The following BICC1 variants were observed in gnomAD, a reference collection of about 807,000 sequenced individuals.
The protein encoded by BICC1 is BicC family RNA binding protein 1.
Under a neutral mutation model 111.0 loss-of-function variants are expected in BICC1, and 43 were observed. The ratio of observed to expected loss-of-function variants is 0.39; its 90% CI spans 0.30 to 0.50. The LOEUF (loss-of-function observed/expected upper bound fraction) is 0.50, where lower values mean the gene tolerates loss of function less well. BICC1 is among the 20% of genes least tolerant of loss of function. BICC1 has a pLI of 0.88. For synonymous variants in BICC1, 467 were observed against 434.4 expected (o/e 1.07, Z -0.93); for missense variants, 1,091 against 1,203.2 (o/e 0.91, Z 1.38).
intron 1 of BICC1, among the ~76,000 whole-genome samples, chr10:58,530,258 A>G (rs1842645079): frequency 6.6e-6 from 1 of 151,880 alleles, no homozygotes; most frequent in African/African-American, 2.4e-5. Flanking sequence ...AGAATCAAAT[A>G]GAAAAAGGCA....
chr10:58,655,906 G>T (rs1838628357), intron 2 of BICC1, among the ~76,000 whole-genome samples: 1 of 152,058 alleles, frequency 6.6e-6, no homozygotes, highest in Non-Finnish European at 1.5e-5. Flanking sequence ...GTTGTTGAAA[G>T]GAGCTGGTTT....
At chr10:58,599,004 C>T (rs1393214507) in intron 1 of BICC1, among the ~76,000 whole-genome samples, 1 of 152,140 alleles carries the variant, frequency 6.6e-6, no homozygotes, top group African/African-American at 2.4e-5. Flanking sequence ...CAGGCAACAA[C>T]AGATGCTGGA....
chr10:58,613,952 CATTTT>C (rs1845519394), intron 1 of BICC1, among the ~76,000 whole-genome samples: 1 of 152,072 alleles, frequency 6.6e-6, no homozygotes, highest in South Asian at 2.1e-4. Context: ...GTAAAATGAG[CATTTT>C]ATTTTATTTA....
At chr10:58,632,958 A>C (rs1480354709) in intron 2 of BICC1, among the ~76,000 whole-genome samples, 1 of 152,158 alleles carries the variant, frequency 6.6e-6, no homozygotes. Flanking sequence ...AGGATTTGAA[A>C]TCTAAAAGTT....
At chr10:58,715,423 T>G in intron 3 of BICC1, 1 of 621,502 alleles carries the variant, frequency 1.6e-6, no homozygotes, top group South Asian at 1.8e-5. Flanking sequence ...ATTTCTACCA[T>G]TGGATTTTTC....
At chr10:58,756,455 C>T (rs1842146512) in intron 3 of BICC1, among the ~76,000 whole-genome samples, 2 of 152,116 alleles carry the variant, frequency 1.3e-5, no homozygotes, top group Admixed American at 1.3e-4. Flanking sequence ...TAAGCTTGCT[C>T]TTATATTTAG....
chr10:58,803,142 A>G lies in BICC1; in HGVS notation c.2081A>G (p.Lys694Arg). 6.2e-7 allele frequency: 1 copy of G among 1,610,616 alleles called. No homozygotes were observed. The highest frequency in any genetic ancestry group is 8.5e-7 in the Non-Finnish European group (1 of 1,178,316). ...ACCGAAAGCCCTTTGGCTGACAAGA[A>G]GGCTCCAGGGAGTGAGCGCGCTGCA... ...SATESPLADK[K>R]APGSERAAER... The change falls in exon 15 of 21, where the codon AAG becomes AGG. Residue 694 changes from lysine to arginine, a missense_variant. Transcript: ENST00000373886.
chr10:58,809,033 T>A (rs955126214), intron 17 of BICC1, among the ~76,000 whole-genome samples: 13 of 151,018 alleles, frequency 8.6e-5, no homozygotes, highest in African/African-American at 3.2e-4. Flanking sequence ...TTTTAAAAAA[T>A]TTTACTTTAT....
At chr10:58,542,030 G>A (rs1842996699) in intron 1 of BICC1, among the ~76,000 whole-genome samples, 1 of 151,220 alleles carries the variant, frequency 6.6e-6, no homozygotes, top group South Asian at 2.1e-4. Context: ...GTGTGCCTTT[G>A]GTCCTAGCTA....
chr10:58,793,974 T>C (rs1007856824), intron 9 of BICC1, among the ~76,000 whole-genome samples: 3 of 152,202 alleles, frequency 2.0e-5, no homozygotes, highest in Admixed American at 2.0e-4. Flanking sequence ...TTATCTAATA[T>C]AAATTTGTAA....
chr10:58,761,817 C>T (rs1376798937), intron 3 of BICC1, among the ~76,000 whole-genome samples: 1 of 152,120 alleles, frequency 6.6e-6, no homozygotes, highest in Non-Finnish European at 1.5e-5. Context: ...CCTACGTCAT[C>T]CTTTCTATGA....
At chr10:58,647,956 A>G (rs1266603392) in intron 2 of BICC1, among the ~76,000 whole-genome samples, 1 of 152,222 alleles carries the variant, frequency 6.6e-6, no homozygotes, top group Non-Finnish European at 1.5e-5. Flanking sequence ...GTTGGAGAAT[A>G]CACTGCATTA....
chr10:58,524,785 T>A (rs1842485305), intron 1 of BICC1, among the ~76,000 whole-genome samples: 2 of 152,032 alleles, frequency 1.3e-5, no homozygotes, highest in Admixed American at 1.3e-4. Context: ...ACCTACAGAA[T>A]GGGAAAAAAT....
intron 1 of BICC1, among the ~76,000 whole-genome samples, chr10:58,546,997 T>C (rs975425514): frequency 6.6e-6 from 1 of 152,164 alleles, no homozygotes; most frequent in Non-Finnish European, 1.5e-5. Flanking sequence ...TTCATTCCAG[T>C]AGATACTTTT....
intron 3 of BICC1, among the ~76,000 whole-genome samples, chr10:58,729,418 G>C (rs1841216793): frequency 6.6e-6 from 1 of 152,076 alleles, no homozygotes; most frequent in African/African-American, 2.4e-5. Flanking sequence ...ACCTCTCTCA[G>C]CCTTTAGAAA....
intron 3 of BICC1, among the ~76,000 whole-genome samples, chr10:58,728,500 A>G (rs577225432): frequency 6.6e-6 from 1 of 152,204 alleles, no homozygotes; most frequent in East Asian, 1.9e-4. Flanking sequence ...TCTTTACTGA[A>G]GTCTTGAACC....
At chr10:58,820,770 T>C (rs1844230342) in intron 20 of BICC1, among the ~76,000 whole-genome samples, 1 of 152,172 alleles carries the variant, frequency 6.6e-6, no homozygotes, top group African/African-American at 2.4e-5. Context: ...TTAATTCTCC[T>C]CTTTGCAGTT....
At chr10:58,641,506 C>A (rs577114755) in intron 2 of BICC1, among the ~76,000 whole-genome samples, 3 of 151,418 alleles carry the variant, frequency 2.0e-5, no homozygotes, top group African/African-American at 4.9e-5. Context: ...AACACTATTA[C>A]CAAATACATT....
chr10:58,737,653 A>T (rs964147166), intron 3 of BICC1, among the ~76,000 whole-genome samples: 8 of 152,186 alleles, frequency 5.3e-5, no homozygotes, highest in African/African-American at 1.9e-4. Context: ...TTCTAGTTCT[A>T]GATCCCTGAG....
Sources: allele counts gnomAD v4.1 joint callset (sites outside exome capture counted in the v4.1 genomes callset), GRCh38; gene constraint gnomAD v4.1.1; transcripts MANE v1.5; gene names NCBI Gene and HGNC (gene_info 2026-07-23, HGNC 2026-07-21).